Variants in ELAPOR2 observed in about 807,000 individuals in gnomAD.
ELAPOR2 encodes endosome-lysosome associated apoptosis and autophagy regulator family member 2, also known as endosome/lysosome-associated apoptosis and autophagy regulator family member 2.
Under a neutral mutation model 120.7 loss-of-function variants are expected in ELAPOR2, and 89 were observed. The ratio of observed to expected loss-of-function variants is 0.74; its 90% CI spans 0.62 to 0.88. ELAPOR2 has a LOEUF of 0.88. Among genes scored for constraint, ELAPOR2 ranks in the 40% least tolerant of loss-of-function variants. ELAPOR2 has a pLI of 0.00. For missense variants in ELAPOR2, 1,134 were observed against 1,251.6 expected, an observed-to-expected ratio of 0.91 and a Z score of 1.42; for synonymous variants, 444 against 444.9, an observed-to-expected ratio of 1.00 and a Z score of 0.03.
chr7:86,972,651 A>G (rs1792144411), intron 1 of ELAPOR2, among the ~76,000 whole-genome samples: 1 of 151,246 alleles, frequency 6.6e-6, no homozygotes, highest in Non-Finnish European at 1.5e-5. Context: ...GTAATGAAAG[A>G]TGAGATCCAC....
At chr7:86,897,453 C>T in intron 19 of ELAPOR2, 53 bp downstream of exon 19, 5 of 1,572,436 alleles carry the variant, frequency 3.2e-6, no homozygotes, top group Non-Finnish European at 4.3e-6. Context: ...TGATTTGATG[C>T]CAGATTAACC....
intron 2 of ELAPOR2, among the ~76,000 whole-genome samples, chr7:86,964,693 T>C (rs912710241): frequency 2.0e-5 from 3 of 152,164 alleles, no homozygotes; most frequent in Non-Finnish European, 4.4e-5. Context: ...AAAAAAATAA[T>C]AACATTCTTT....
In ELAPOR2 at chr7:86,925,535, T is replaced by C; in HGVS notation, c.1392A>G (p.Gly464=). 6.2e-7 allele frequency: 1 copy of C among 1,611,688 alleles called. No homozygotes were observed. The highest frequency in any genetic ancestry group is 8.5e-7 in the Non-Finnish European group (1 of 1,178,372). ...CFNVGNSKCD[G]MNGWEVAGDH... is the part of the protein sequence containing the mutation. ...GGCTGATTTTGAACTTACCATTCAT[T>C]CCATCGCACTTTGAATTCCCAACAT... The change falls in exon 10 of 22, where the codon GGA becomes GGG. Residue 464 remains glycine, a synonymous_variant. Coordinates refer to ENST00000450689, the MANE Select transcript of ELAPOR2 (RefSeq NM_001142749.3).
At chr7:86,947,583 C>G (rs1011573017) in intron 3 of ELAPOR2, 144 bp downstream of exon 3, 2 of 695,510 alleles carry the variant, frequency 2.9e-6, no homozygotes, top group Non-Finnish European at 4.7e-6. Context: ...TTGCAATGAC[C>G]GTCCAAAAAA....
intron 1 of ELAPOR2, among the ~76,000 whole-genome samples, chr7:86,968,972 T>C (rs1792012571): frequency 6.6e-6 from 1 of 152,042 alleles, no homozygotes; most frequent in Non-Finnish European, 1.5e-5. Context: ...CCTATAAACC[T>C]TGCATTGTAA....
At position 86,973,753 on chromosome 7, in the gene ELAPOR2, G is replaced by C. The variant is rs190839636; in HGVS notation, c.190-8729C>G. On this transcript the variant is annotated intron_variant, in intron 1 of 21. Transcript: ENST00000450689. The stretch of plus-strand genomic sequence containing the variant: ...TGTTAGCAGAGTATGATAAAAAGAA[G>C]GTGGGGCATGACATCCAGGTGGCCA... 8.8e-4 allele frequency among the ~76,000 whole-genome samples: 134 copies of C among 152,232 alleles called. 2 individuals carry two copies. Among genetic ancestry groups the C allele is most frequent in the Admixed American group, 8.7e-3 (133 of 15,288 alleles).
At chr7:86,898,919 A>G (rs1788577956) in intron 18 of ELAPOR2, among the ~76,000 whole-genome samples, 1 of 152,212 alleles carries the variant, frequency 6.6e-6, no homozygotes, top group South Asian at 2.1e-4. Flanking sequence ...GGAGAAAGAC[A>G]TCATCACAAA....
At chr7:87,027,974 C>T (rs1794299230) in intron 1 of ELAPOR2, among the ~76,000 whole-genome samples, 1 of 151,994 alleles carries the variant, frequency 6.6e-6, no homozygotes, top group Admixed American at 6.6e-5. Flanking sequence ...TATAAGTATG[C>T]CTCATTTTAA....
At chr7:86,912,860 A>T in intron 14 of ELAPOR2, 81 bp downstream of exon 14, 1 of 1,495,538 alleles carries the variant, frequency 6.7e-7, no homozygotes, top group Non-Finnish European at 9.1e-7. Flanking sequence ...CATAGCTCCC[A>T]GAGAAACATT....
chr7:86,890,285 A>G (rs181432304), intron 21 of ELAPOR2, among the ~76,000 whole-genome samples: 2 of 152,064 alleles, frequency 1.3e-5, no homozygotes, highest in East Asian at 1.9e-4. Flanking sequence ...ATATAAAGAT[A>G]TATTGTCTCC....
chr7:87,014,586 C>CA (rs1157513517), intron 1 of ELAPOR2, among the ~76,000 whole-genome samples: 4 of 152,040 alleles, frequency 2.6e-5, no homozygotes, highest in African/African-American at 9.7e-5. Flanking sequence ...ATGTGAGTCA[C>CA]AAAAAATGTG....
At chr7:87,001,251 T>G (rs1300925349) in intron 1 of ELAPOR2, among the ~76,000 whole-genome samples, 5 of 152,114 alleles carry the variant, frequency 3.3e-5, no homozygotes, top group African/African-American at 1.2e-4. Context: ...TTATAATGGT[T>G]GAAGGATAAG....
intron 1 of ELAPOR2, among the ~76,000 whole-genome samples, chr7:87,035,417 GT>G (rs1794556886): frequency 6.6e-6 from 1 of 152,072 alleles, no homozygotes; most frequent in Admixed American, 6.6e-5. Flanking sequence ...TCCAAATCTT[GT>G]CCTCTAAATG....
chr7:86,962,534 G>C (rs1050844574), intron 2 of ELAPOR2, among the ~76,000 whole-genome samples: 4 of 152,208 alleles, frequency 2.6e-5, no homozygotes, highest in Admixed American at 2.0e-4. Flanking sequence ...TCTCCAGGCT[G>C]CTATCTTCGA....
intron 2 of ELAPOR2, among the ~76,000 whole-genome samples, chr7:86,958,473 T>G (rs1249551060): frequency 6.6e-6 from 1 of 152,204 alleles, no homozygotes; most frequent in African/African-American, 2.4e-5. Context: ...TCACCTTATT[T>G]AACCCCCTTA....
At chr7:87,043,544 T>C (rs1489531283) in intron 1 of ELAPOR2, among the ~76,000 whole-genome samples, 2 of 149,864 alleles carry the variant, frequency 1.3e-5, no homozygotes, top group Non-Finnish European at 3.0e-5. Flanking sequence ...AGAAAAAGCC[T>C]TTGACAAAAT....
rs1486795664 is a variant in ELAPOR2 at position 86,908,431 on chromosome 7, C to G, written c.2456+16G>C. On this transcript the variant is annotated intron_variant, in intron 17 of 21. Coordinates refer to ENST00000450689, the MANE Select transcript of ELAPOR2 (RefSeq NM_001142749.3). ...TTGGTTAAAATATAGTCAAGGGAAACAGCATCTTCACTTACTTATAAAAGA... is the reference window on the plus strand; with the variant it reads ...TTGGTTAAAATATAGTCAAGGGAAAGAGCATCTTCACTTACTTATAAAAGA... The G allele has an allele frequency of 1.5e-6, 2 of 1,361,716 alleles. No individual in the cohort carries two copies. The highest frequency in any genetic ancestry group is 1.5e-5 in the African/African-American group (1 of 68,210). 84.4% of individuals were successfully genotyped at this position (1,361,716 alleles called of 1,614,324 possible). A position where few individuals can be genotyped will look rare whatever the true frequency, so the allele number is the denominator to read the frequency against.
rs761960334 is a variant in ELAPOR2, at chr7:86,926,885, T to G, written c.1121A>C (p.Lys374Thr). ...TQIMYKWIEP[K>T]ICREDLTDAI... ...ATCTGTGAGATCCTCCCGGCAGATT[T>G]TGGGCTCTATCCACTTGTACATTAT... The change falls in exon 9 of 22, where the codon AAA (lysine) becomes ACA (threonine). Residue 374 changes from lysine (K) to threonine (T), a missense_variant. By Grantham distance (78) the Lys-to-Thr change is moderately conservative. Transcript: ENST00000450689. The G allele has an allele frequency of 6.3e-7, 1 of 1,585,010 alleles. No individual in the cohort carries two copies. Among genetic ancestry groups the G allele is most frequent in the Non-Finnish European group, 8.6e-7 (1 of 1,167,612 alleles).
At chr7:86,964,212 C>A (rs777060550) in intron 2 of ELAPOR2, among the ~76,000 whole-genome samples, 22 of 151,716 alleles carry the variant, frequency 1.5e-4, no homozygotes, top group Admixed American at 2.6e-4. Context: ...TCTACCCTCT[C>A]GACTATTTTG....
Sources: allele counts gnomAD v4.1 joint callset (sites outside exome capture counted in the v4.1 genomes callset), GRCh38; gene constraint gnomAD v4.1.1; transcripts MANE v1.5; gene names NCBI Gene and HGNC (gene_info 2026-07-23, HGNC 2026-07-21).